DIRAS2: variants seen among roughly 807,000 people sequenced by gnomAD.
DIRAS2 encodes the protein DIRAS family GTPase 2, also known as GTP-binding protein Di-Ras2.
DIRAS2 carries 5 observed loss-of-function variants against 13.9 expected under a neutral mutation model. The observed-to-expected ratio is 0.36, with a 90% CI of 0.19 to 0.76. The LOEUF is 0.76. DIRAS2 is among the 30% of genes least tolerant of loss of function. DIRAS2 has a pLI of 0.53. For synonymous variants in DIRAS2, 111 were observed against 105.4 expected, an observed-to-expected ratio of 1.05 and a Z score of -0.33; for missense variants, 191 against 263.0, an observed-to-expected ratio of 0.73 and a Z score of 1.89.
At chr9:90,624,747 C>G (rs1395906444) in intron 1 of DIRAS2, among the ~76,000 whole-genome samples, 1 of 151,634 alleles carries the variant, frequency 6.6e-6, no homozygotes, top group African/African-American at 2.4e-5. Context: ...GAGTCTCACT[C>G]TGTCGCCAGG....
rs578236522 is a variant in DIRAS2, at chr9:90,634,883, T to G, written c.-37+7869A>C. Among the ~76,000 whole-genome samples, 4 of 152,304 alleles carry G rather than the reference T, an allele frequency of 2.6e-5. No individual in the cohort carries two copies. The South Asian group carries it at 8.3e-4, about 32-fold the overall frequency. ...AAAGAGAGGAATAAACCTGAGACAC[T>G]GAGAAAGAGGAACCACTCAAATATT... On this transcript the variant is annotated intron_variant, in intron 1 of 1. Coordinates refer to ENST00000375765, the MANE Select transcript of DIRAS2 (RefSeq NM_017594.5).
At position 90,612,991 on chromosome 9, in the gene DIRAS2, C is replaced by A; in HGVS notation, c.*237G>T. The A allele has an allele frequency of 1.8e-6, 1 of 550,288 alleles. No homozygotes were observed. Among genetic ancestry groups the A allele is most frequent in the Non-Finnish European group, 3.2e-6 (1 of 316,034 alleles). The allele number at this position is 550,288 out of a possible 1,614,324, so 34.1% of individuals were successfully genotyped here. Reference sequence around the variant, plus strand: ...GCAATTGCTGGCACCTCTCAGTTCCCAGGGATGCTGAGTGTGTTGGTTTTC... The same window carrying A: ...GCAATTGCTGGCACCTCTCAGTTCCAAGGGATGCTGAGTGTGTTGGTTTTC... On this transcript the variant is annotated 3_prime_UTR_variant, in exon 2 of 2. Transcript: ENST00000375765.
In DIRAS2 at chr9:90,618,270, T is replaced by A. The variant is rs186398639; in HGVS notation, c.-36-4407A>T. ...CAGAGTCCAGAAATAAACCCTCATA[T>A]TTACAGTCAATTGTTTTTTGACAAG... On this transcript the variant is annotated intron_variant, in intron 1 of 1. Coordinates refer to ENST00000375765, the MANE Select transcript of DIRAS2 (RefSeq NM_017594.5). Among the ~76,000 whole-genome samples, 81 of 152,302 alleles carry A rather than the reference T, an allele frequency of 5.3e-4. 1 individual carries two copies. The South Asian group carries it at 7.1e-3, about 13-fold the overall frequency.
At chr9:90,618,688 C>T (rs564310002) in intron 1 of DIRAS2, among the ~76,000 whole-genome samples, 2 of 152,162 alleles carry the variant, frequency 1.3e-5, no homozygotes, top group East Asian at 3.9e-4. Context: ...TTCTACAATT[C>T]AACAACAACA....
At chr9:90,621,032 G>A (rs1825215076) in intron 1 of DIRAS2, among the ~76,000 whole-genome samples, 1 of 152,194 alleles carries the variant, frequency 6.6e-6, no homozygotes, top group South Asian at 2.1e-4. Context: ...GAATAAGAGT[G>A]TTGTGAGATC....
At chr9:90,624,970 T>A (rs374916396) in intron 1 of DIRAS2, among the ~76,000 whole-genome samples, 1 of 152,212 alleles carries the variant, frequency 6.6e-6, no homozygotes, top group Non-Finnish European at 1.5e-5. Flanking sequence ...AACTACACTT[T>A]GGGCATTTTC....
chr9:90,613,655 T>C lies in DIRAS2; in HGVS notation c.173A>G (p.Gln58Arg). 1.9e-6 allele frequency: 3 copies of C among 1,614,212 alleles called. No individual in the cohort carries two copies. Among genetic ancestry groups the C allele is most frequent in the Non-Finnish European group, 2.5e-6 (3 of 1,180,044 alleles). Residue 58 changes from glutamine (Q) to arginine (R), a missense_variant, in exon 2 of 2, where the codon CAG (glutamine) becomes CGG (arginine). Coordinates refer to ENST00000375765, the MANE Select transcript of DIRAS2 (RefSeq NM_017594.5). This position sits in a 1 kb window ranked among gnomAD's most constrained non-coding sequence, Gnocchi z 5.6. ...ISCDKSICTL[Q>R]ITDTTGSHQF... ...GTGGCTCCCCGTCGTGTCGGTGATC[T>C]GCAATGTGCATATGCTCTTGTCACA...
intron 1 of DIRAS2, among the ~76,000 whole-genome samples, chr9:90,616,874 A>AG (rs1825174933): frequency 6.6e-6 from 1 of 152,120 alleles, no homozygotes; most frequent in Non-Finnish European, 1.5e-5. Context: ...ACAGCATTAG[A>AG]GGGGGGACAA....
At position 90,613,702 on chromosome 9, in the gene DIRAS2, G is replaced by A. The variant is rs767801296; in HGVS notation, c.126C>T (p.Asp42=). The A allele has an allele frequency of 1.2e-6, 2 of 1,614,110 alleles. No homozygotes were observed. The highest frequency in any genetic ancestry group is 1.7e-6 in the Non-Finnish European group (2 of 1,180,034). The change falls in exon 2 of 2, where the codon GAC becomes GAT. Residue 42 remains aspartate, a synonymous_variant. Transcript: ENST00000375765. This position sits in a 1 kb window ranked among gnomAD's most constrained non-coding sequence, Gnocchi z 5.6. ...CACAGCTGATCACTTGCCGGTAGGTGTCTTCCACCGTCGGGATGTAGCTCT... is the reference window on the plus strand; with the variant it reads ...CACAGCTGATCACTTGCCGGTAGGTATCTTCCACCGTCGGGATGTAGCTCT... ...FRESYIPTVE[D]TYRQVISCDK...
chr9:90,612,902 G>A lies in DIRAS2; in HGVS notation c.*326C>T, dbSNP rs889722371. ...CACGTAGATGACATTTAGTCCTCTC[G>A]GTACATGTTGCTTTGTGGGTACCAG... On this transcript the variant is annotated 3_prime_UTR_variant, in exon 2 of 2. Coordinates refer to ENST00000375765, the MANE Select transcript of DIRAS2 (RefSeq NM_017594.5). 35 of 336,472 alleles carry A rather than the reference G, an allele frequency of 1.0e-4. No individual in the cohort carries two copies. Among genetic ancestry groups the A allele is most frequent in the African/African-American group, 6.8e-4 (32 of 47,314 alleles). 20.8% of individuals were successfully genotyped at this position (336,472 alleles called of 1,614,324 possible).
intron 1 of DIRAS2, among the ~76,000 whole-genome samples, chr9:90,640,517 A>C (rs1211573892): frequency 3.3e-5 from 5 of 152,254 alleles, no homozygotes. Context: ...TTTTGACAAC[A>C]TAAGAACCAT....
chr9:90,612,831 G>A lies in DIRAS2; in HGVS notation c.*397C>T, dbSNP rs762140191. 5.6e-5 allele frequency: 11 copies of A among 197,708 alleles called. No individual in the cohort carries two copies. The highest frequency in any genetic ancestry group is 1.0e-4 in the South Asian group (1 of 9,732). 12.2% of individuals were successfully genotyped at this position (197,708 alleles called of 1,614,324 possible). A position where few individuals can be genotyped will look rare whatever the true frequency, so the allele number is the denominator to read the frequency against. ...TCCCCCAAAGATGTGATTGGCTTCTGTCTGGGGTTGGTGCAGGTAACTCTA... is the reference window on the plus strand; with the variant it reads ...TCCCCCAAAGATGTGATTGGCTTCTATCTGGGGTTGGTGCAGGTAACTCTA... On this transcript the variant is annotated 3_prime_UTR_variant, in exon 2 of 2. Coordinates refer to ENST00000375765, the MANE Select transcript of DIRAS2 (RefSeq NM_017594.5).
At chr9:90,620,396 G>T (rs966737267) in intron 1 of DIRAS2, among the ~76,000 whole-genome samples, 1 of 152,102 alleles carries the variant, frequency 6.6e-6, no homozygotes, top group Non-Finnish European at 1.5e-5. Flanking sequence ...AGTAGAAGAT[G>T]AACAAACCCT....
At chr9:90,635,939 G>A (rs537762193) in intron 1 of DIRAS2, among the ~76,000 whole-genome samples, 30 of 150,030 alleles carry the variant, frequency 2.0e-4, no homozygotes, top group African/African-American at 6.4e-4. Flanking sequence ...CTTCTGCCCC[G>A]AACATAGCTT....
At position 90,611,894 on chromosome 9, in the gene DIRAS2, A is replaced by G. The variant is rs555934687; in HGVS notation, c.*1334T>C. 1.3e-5 allele frequency: 2 copies of G among 152,348 alleles called. No homozygotes were observed. Among genetic ancestry groups the G allele is most frequent in the African/African-American group, 4.8e-5 (2 of 41,584 alleles). 9.4% of individuals were successfully genotyped at this position (152,348 alleles called of 1,614,324 possible). A position where few individuals can be genotyped will look rare whatever the true frequency, so the allele number is the denominator to read the frequency against. On this transcript the variant is annotated 3_prime_UTR_variant, in exon 2 of 2. Transcript: ENST00000375765. ...CAACCAGGCTCTACGATGGCAGAGC[A>G]ATTAAGCTGAGTGGGCTCTTCCCAG...
intron 1 of DIRAS2, among the ~76,000 whole-genome samples, chr9:90,641,626 A>G (rs1825420096): frequency 6.6e-6 from 1 of 152,040 alleles, no homozygotes; most frequent in African/African-American, 2.4e-5. Context: ...AATTTGTTAA[A>G]TTTATTCTAA....
chr9:90,628,469 T>C (rs1358025517), intron 1 of DIRAS2, among the ~76,000 whole-genome samples: 1 of 152,138 alleles, frequency 6.6e-6, no homozygotes, highest in African/African-American at 2.4e-5. Flanking sequence ...TTGCTGATCC[T>C]GTGAGAATGT....
At chr9:90,628,527 AC>A (rs1825293045) in intron 1 of DIRAS2, among the ~76,000 whole-genome samples, 1 of 91,666 alleles carries the variant, frequency 1.1e-5, no homozygotes, top group Non-Finnish European at 2.9e-5. Flanking sequence ...ATTTATACAC[AC>A]ACACACACAC....
intron 1 of DIRAS2, among the ~76,000 whole-genome samples, chr9:90,640,018 T>C (rs975167784): frequency 2.6e-5 from 4 of 152,208 alleles, no homozygotes; most frequent in African/African-American, 9.6e-5. Context: ...CTAATCCAAA[T>C]TGAGATGTCT....
Sources: gnomAD v4.1 joint callset for allele counts (sites outside exome capture counted in the v4.1 genomes callset) on GRCh38, gnomAD v4.1.1 for gene constraint, Gnocchi (gnomAD v3.1) non-coding constraint, MANE v1.5 for transcripts, NCBI Gene and HGNC (gene_info 2026-07-23, HGNC 2026-07-21) for gene names.